The following MGMT variants were observed in gnomAD, a reference collection of about 807,000 sequenced individuals.
MGMT encodes O-6-methylguanine-DNA methyltransferase.
MGMT carries 14 observed loss-of-function variants against 15.9 expected under a neutral mutation model. That is an observed-to-expected ratio of 0.88 (90% CI 0.58 to 1.37). The LOEUF is 1.37. MGMT is among the 40% of genes most tolerant of loss of function. The pLI is 0.00. For synonymous variants in MGMT, 130 were observed against 118.2 expected, an observed-to-expected ratio of 1.10 and a Z score of -0.65; for missense variants, 282 against 268.1, an observed-to-expected ratio of 1.05 and a Z score of -0.36.
intron 1 of MGMT, among the ~76,000 whole-genome samples, chr10:129,512,817 G>A (rs1037259263): frequency 1.3e-5 from 2 of 152,198 alleles, no homozygotes; most frequent in African/African-American, 4.8e-5. Context: ...GTGAAATGGA[G>A]CAGCTGCTGT....
At chr10:129,621,075 A>C (rs1273434602) in intron 2 of MGMT, among the ~76,000 whole-genome samples, 2 of 152,210 alleles carry the variant, frequency 1.3e-5, no homozygotes, top group Non-Finnish European at 2.9e-5. Flanking sequence ...AGCACTTGAC[A>C]TGTGACTCGG....
At chr10:129,639,179 A>T (rs572942801) in intron 2 of MGMT, among the ~76,000 whole-genome samples, 2 of 152,154 alleles carry the variant, frequency 1.3e-5, no homozygotes, top group Non-Finnish European at 2.9e-5. Context: ...AAAACCATGA[A>T]TTGTTTGTTT....
rs561557364 is a variant in MGMT at position 129,641,250 on chromosome 10, C to T, written c.126-66645C>T. Reference sequence around the variant, plus strand: ...GATGAAAATGTGCAGTAGTTCATGTCCAATGATATTTGCAGGATATATATA... The same window carrying T: ...GATGAAAATGTGCAGTAGTTCATGTTCAATGATATTTGCAGGATATATATA... On this transcript the variant is annotated intron_variant, in intron 2 of 4. Coordinates refer to ENST00000651593, the MANE Select transcript of MGMT (RefSeq NM_002412.5). Among the ~76,000 whole-genome samples, 43 of 152,210 alleles carry T rather than the reference C, an allele frequency of 2.8e-4. 1 individual carries two copies. Among genetic ancestry groups the T allele is most frequent in the South Asian group, 8.3e-4 (4 of 4,818 alleles).
chr10:129,517,719 G>A (rs1845754627), intron 1 of MGMT, among the ~76,000 whole-genome samples: 3 of 152,196 alleles, frequency 2.0e-5, no homozygotes, highest in African/African-American at 7.2e-5. Context: ...CTGGGGCCCT[G>A]TTTGCTCAGG....
chr10:129,537,590 C>G (rs571917380), intron 2 of MGMT, among the ~76,000 whole-genome samples: 1 of 151,272 alleles, frequency 6.6e-6, no homozygotes, highest in Admixed American at 6.6e-5. Flanking sequence ...GAAAAAGGTA[C>G]AAAGTGAATT....
intron 1 of MGMT, among the ~76,000 whole-genome samples, chr10:129,516,859 G>A (rs1454010992): frequency 6.6e-6 from 1 of 152,222 alleles, no homozygotes; most frequent in Non-Finnish European, 1.5e-5. Flanking sequence ...AATGTTATGT[G>A]CACTCATAGC....
At chr10:129,669,839 A>G (rs1323039914) in intron 2 of MGMT, among the ~76,000 whole-genome samples, 2 of 152,192 alleles carry the variant, frequency 1.3e-5, no homozygotes, top group African/African-American at 4.8e-5. Context: ...ACTGAATTTT[A>G]AGCATATAAT....
At chr10:129,695,277 C>T (rs559107874) in intron 2 of MGMT, among the ~76,000 whole-genome samples, 15 of 152,250 alleles carry the variant, frequency 9.9e-5, no homozygotes, top group South Asian at 2.1e-4. Flanking sequence ...AAGTTGTTCC[C>T]GGATAAAATT....
intron 2 of MGMT, among the ~76,000 whole-genome samples, chr10:129,537,924 T>C (rs1423111615): frequency 2.0e-5 from 3 of 152,120 alleles, no homozygotes; most frequent in Non-Finnish European, 4.4e-5. Flanking sequence ...GCCCTGGTGC[T>C]TCAAGACAGC....
Position 129,741,763 on chromosome 10 carries a change from C to T in MGMT, c.275-17439C>T, listed in dbSNP as rs72838601. ...CCCAGAGGTGGCCAGTGCCTGGGCC[C>T]TGAGTCGGTTGAGACTCATCCAGAG... On this transcript the variant is annotated intron_variant, in intron 3 of 4. Transcript: ENST00000651593. Among the ~76,000 whole-genome samples, 31 of 152,300 alleles carry T rather than the reference C, an allele frequency of 2.0e-4. No individual in the cohort carries two copies. The East Asian group carries it at 2.7e-3, about 13-fold the overall frequency.
chr10:129,641,944 A>T (rs1437117046), intron 2 of MGMT, among the ~76,000 whole-genome samples: 1 of 152,258 alleles, frequency 6.6e-6, no homozygotes, highest in Non-Finnish European at 1.5e-5. Flanking sequence ...TTCAAGGAGC[A>T]GCCTCTGGGG....
intron 1 of MGMT, among the ~76,000 whole-genome samples, chr10:129,528,092 T>G (rs1845890260): frequency 6.6e-6 from 1 of 152,018 alleles, no homozygotes; most frequent in Non-Finnish European, 1.5e-5. Flanking sequence ...CTATCTCAAT[T>G]ATCATTGCAT....
chr10:129,514,966 A>G (rs990924047), intron 1 of MGMT, among the ~76,000 whole-genome samples: 10 of 152,186 alleles, frequency 6.6e-5, no homozygotes, highest in Admixed American at 4.6e-4. Flanking sequence ...AGCTGGGCCC[A>G]TGCAGATTTT....
At chr10:129,683,818 T>A (rs1847878480) in intron 2 of MGMT, among the ~76,000 whole-genome samples, 1 of 152,236 alleles carries the variant, frequency 6.6e-6, no homozygotes. Context: ...CTGGAGATTT[T>A]ACATCTAATC....
intron 2 of MGMT, among the ~76,000 whole-genome samples, chr10:129,647,840 C>T (rs1474884070): frequency 1.3e-5 from 2 of 152,186 alleles, no homozygotes; most frequent in African/African-American, 4.8e-5. Flanking sequence ...GATTCAATTT[C>T]CCTCTGCAGT....
At chr10:129,548,058 A>G (rs1426151167) in intron 2 of MGMT, among the ~76,000 whole-genome samples, 2 of 152,236 alleles carry the variant, frequency 1.3e-5, no homozygotes, top group East Asian at 3.8e-4. Context: ...GTGTTTAGAC[A>G]AGCTAAAAGT....
At chr10:129,737,810 G>A (rs980278934) in intron 3 of MGMT, among the ~76,000 whole-genome samples, 4 of 152,166 alleles carry the variant, frequency 2.6e-5, no homozygotes, top group African/African-American at 7.2e-5. Flanking sequence ...GGAGTACCCG[G>A]CCGTGTGAGG....
intron 2 of MGMT, among the ~76,000 whole-genome samples, chr10:129,684,402 G>A (rs1847884131): frequency 1.3e-5 from 2 of 152,208 alleles, no homozygotes; most frequent in African/African-American, 4.8e-5. Flanking sequence ...GGTAGTCAGG[G>A]AGGGTCTCTG....
intron 2 of MGMT, among the ~76,000 whole-genome samples, chr10:129,602,545 T>C (rs1007500895): frequency 6.6e-6 from 1 of 152,186 alleles, no homozygotes; most frequent in Non-Finnish European, 1.5e-5. Context: ...TCCAAAGGGT[T>C]GAGAGCCACA....
Sources: gnomAD v4.1 joint callset for allele counts (sites outside exome capture counted in the v4.1 genomes callset) on GRCh38, gnomAD v4.1.1 for gene constraint, MANE v1.5 for transcripts, NCBI Gene and HGNC (gene_info 2026-07-23, HGNC 2026-07-21) for gene names.